Variants in UNC79 observed in about 807,000 individuals in gnomAD.
UNC79 encodes unc-79 subunit of NALCN channel complex.
In UNC79, 37 loss-of-function variants were observed where a neutral mutation model predicts 283.1. That is an observed-to-expected ratio of 0.13 (90% CI 0.10 to 0.17). The LOEUF (loss-of-function observed/expected upper bound fraction) is 0.17. UNC79 is among the 10% of genes least tolerant of loss of function. UNC79 has a pLI of 1.00. For synonymous variants in UNC79, 1,107 were observed against 1,200.2 expected (o/e 0.92, Z 1.61); for missense variants, 2,272 against 3,211.1 (o/e 0.71, Z 7.07).
chr14:93,378,465 C>T (rs2054603665), intron 1 of UNC79, among the ~76,000 whole-genome samples: 1 of 151,910 alleles, frequency 6.6e-6, no homozygotes, highest in South Asian at 2.1e-4. Flanking sequence ...TGCTTAGGAC[C>T]AGAAGTGTTT....
At chr14:93,682,367 TTTGA>T (rs1206738460) in intron 41 of UNC79, among the ~76,000 whole-genome samples, 1 of 152,196 alleles carries the variant, frequency 6.6e-6, no homozygotes, top group Non-Finnish European at 1.5e-5. Context: ...TTATTTTTTC[TTTGA>T]TTGAATGCAC....
intron 30 of UNC79, among the ~76,000 whole-genome samples, chr14:93,630,536 G>T (rs2140068797): frequency 6.6e-6 from 1 of 152,344 alleles, no homozygotes; most frequent in Non-Finnish European, 1.5e-5. Flanking sequence ...GATATGCATT[G>T]TGAACAGCTG....
At chr14:93,337,357 C>A (rs1391121756) in intron 1 of UNC79, among the ~76,000 whole-genome samples, 1 of 152,238 alleles carries the variant, frequency 6.6e-6, no homozygotes, top group Non-Finnish European at 1.5e-5. Flanking sequence ...ACTTATTCTT[C>A]CTTGACATGG....
intron 1 of UNC79, among the ~76,000 whole-genome samples, chr14:93,413,767 C>G (rs2055389073): frequency 7.8e-6 from 1 of 127,692 alleles, no homozygotes; most frequent in Non-Finnish European, 1.7e-5. Flanking sequence ...TTGCATTTCT[C>G]TGATAGCCAG....
Position 93,578,190 on chromosome 14 carries a change from T to C in UNC79, c.2433+127T>C, listed in dbSNP as rs899579795. 36 of 875,326 alleles carry C rather than the reference T, an allele frequency of 4.1e-5. 1 individual carries two copies. The highest frequency in any genetic ancestry group is 8.0e-5 in the East Asian group (3 of 37,656). 54.2% of individuals were successfully genotyped at this position (875,326 alleles called of 1,614,324 possible). Reference sequence around the variant, plus strand: ...ATGATTCAGCATCACCCAAGACCTTTTGCAAACTCCTTTGGAGATTTTCTA... The same window carrying C: ...ATGATTCAGCATCACCCAAGACCTTCTGCAAACTCCTTTGGAGATTTTCTA... On this transcript the variant is annotated intron_variant, in intron 18 of 48. Coordinates refer to ENST00000555664, the Ensembl canonical transcript of UNC79.
At chr14:93,395,019 T>C (rs2054966559) in intron 1 of UNC79, among the ~76,000 whole-genome samples, 1 of 152,242 alleles carries the variant, frequency 6.6e-6, no homozygotes, top group South Asian at 2.1e-4. Flanking sequence ...GGCCTGTCTT[T>C]TAAATTATAT....
chr14:93,506,359 AT>A (rs1389696129), intron 7 of UNC79, among the ~76,000 whole-genome samples: 2 of 151,908 alleles, frequency 1.3e-5, no homozygotes, highest in Non-Finnish European at 1.5e-5. Context: ...AGTAGCTGGG[AT>A]TACAGGCACC....
intron 3 of UNC79, among the ~76,000 whole-genome samples, chr14:93,476,111 G>T (rs113917187): frequency 6.0e-4 from 91 of 152,240 alleles, no homozygotes; most frequent in African/African-American, 2.1e-3. Context: ...TCACTGAGAG[G>T]TGGGGCCTGA....
chr14:93,520,290 C>T (rs552632681), intron 7 of UNC79, among the ~76,000 whole-genome samples: 4 of 151,998 alleles, frequency 2.6e-5, no homozygotes, highest in African/African-American at 9.6e-5. Context: ...CTTTGTTCCC[C>T]TGTAAGTAAT....
At chr14:93,452,887 C>A (rs1409145726) in intron 1 of UNC79, among the ~76,000 whole-genome samples, 1 of 152,174 alleles carries the variant, frequency 6.6e-6, no homozygotes, top group Non-Finnish European at 1.5e-5. Context: ...GTCTTAAAAG[C>A]AGTCTTTAGA....
intron 1 of UNC79, among the ~76,000 whole-genome samples, chr14:93,387,111 T>A (rs916591956): frequency 5.3e-5 from 8 of 151,660 alleles, no homozygotes; most frequent in Admixed American, 1.3e-4. Context: ...CCCAGCTAAT[T>A]TTTTTGTATT....
chr14:93,514,825 A>G (rs533288000), intron 7 of UNC79, among the ~76,000 whole-genome samples: 1 of 152,308 alleles, frequency 6.6e-6, no homozygotes, highest in Admixed American at 6.5e-5. Flanking sequence ...CTTTTTAAAA[A>G]AGAGAGCAGC....
At chr14:93,504,136 A>G (rs887292428) in intron 7 of UNC79, among the ~76,000 whole-genome samples, 2 of 151,968 alleles carry the variant, frequency 1.3e-5, no homozygotes, top group African/African-American at 4.8e-5. Flanking sequence ...TACCAATACC[A>G]TACTCTTTTA....
chr14:93,632,717 T>C (rs1366216429), intron 31 of UNC79, among the ~76,000 whole-genome samples: 1 of 151,638 alleles, frequency 6.6e-6, no homozygotes, highest in Non-Finnish European at 1.5e-5. Flanking sequence ...AATAAAAAGA[T>C]AGTGAATTAG....
chr14:93,603,142 A>G, intron 25 of UNC79, 97 bp from the exon 26 acceptor site: 2 of 1,369,692 alleles, frequency 1.5e-6, no homozygotes, highest in Middle Eastern at 3.8e-4. Flanking sequence ...ATGTATTTTA[A>G]TATTGAAACT....
intron 6 of UNC79, 124 bp from the exon 7 acceptor site, chr14:93,497,033 T>C (rs996731943): frequency 3.9e-6 from 4 of 1,022,444 alleles, no homozygotes; most frequent in African/African-American, 1.6e-5. Flanking sequence ...CTGCATGAGA[T>C]TCCAGGGAAA....
rs947151618 is a variant in UNC79, at chr14:93,369,338, A to G, written c.-351+35815A>G. Among the ~76,000 whole-genome samples the G allele has an allele frequency of 3.0e-4, 45 of 152,212 alleles. 1 individual carries two copies. The highest frequency in any genetic ancestry group is 2.0e-4 in the Admixed American group (3 of 15,272). ...AAAACATTTTTACAAATTGTAGTATAGAGACTTCCAGTTTCCAGTTCTGCA... is the reference window on the plus strand; with the variant it reads ...AAAACATTTTTACAAATTGTAGTATGGAGACTTCCAGTTTCCAGTTCTGCA... On this transcript the variant is annotated intron_variant, in intron 1 of 49. Coordinates refer to the UNC79 transcript ENST00000256339.
rs1444477729 is a variant in UNC79 at position 93,467,653 on chromosome 14, T to TTTG, written c.23-16_23-15insGTT. 1 of 1,126,824 alleles carries TTTG rather than the reference T, an allele frequency of 8.9e-7. No homozygotes were observed. Among genetic ancestry groups the TTTG allele is most frequent in the South Asian group, 3.9e-5 (1 of 25,656 alleles). The allele number at this position is 1,126,824 out of a possible 1,614,324, so 69.8% of individuals were successfully genotyped here. On this transcript the variant is annotated splice_polypyrimidine_tract_variant and intron_variant, in intron 1 of 48. Coordinates refer to ENST00000555664, the Ensembl canonical transcript of UNC79. ...CTTTTTTTTTTTTTTTTTTTTTTTT[T>TTTG]TTTTTGCTTTTATCTAGTTGCTTCC...
chr14:93,433,780 G>T (rs1290414921), intron 1 of UNC79, among the ~76,000 whole-genome samples: 1 of 152,214 alleles, frequency 6.6e-6, no homozygotes, highest in East Asian at 1.9e-4. Flanking sequence ...TGTTGGACCA[G>T]CAAGAGAAAG....
Sources: gnomAD v4.1 joint callset for allele counts (sites outside exome capture counted in the v4.1 genomes callset) on GRCh38, gnomAD v4.1.1 for gene constraint, MANE v1.5 for transcripts, NCBI Gene and HGNC (gene_info 2026-07-23, HGNC 2026-07-21) for gene names.